Variants in UGT2A1 observed in about 807,000 individuals in gnomAD.
UGT2A1 encodes UDP-glucuronosyltransferase 2A1.
In UGT2A1, 61 loss-of-function variants were observed where a neutral mutation model predicts 45.4. That is an observed-to-expected ratio of 1.34 (90% CI 1.09 to 1.66). The LOEUF (loss-of-function observed/expected upper bound fraction) is 1.66, where lower values mean the gene tolerates loss of function less well. UGT2A1 is among the 40% of genes most tolerant of loss of function. UGT2A1 has a pLI of 0.00. For missense variants in UGT2A1, 649 were observed against 574.3 expected (o/e 1.13, Z -1.33); for synonymous variants, 229 against 196.2 (o/e 1.17, Z -1.40).
intron 2 of UGT2A1, among the ~76,000 whole-genome samples, chr4:69,637,598 T>C (rs1206200674): frequency 6.6e-6 from 1 of 152,164 alleles, no homozygotes; most frequent in African/African-American, 2.4e-5. Context: ...TTTCATTTGA[T>C]ACTTTCTCTG....
intron 3 of UGT2A1, among the ~76,000 whole-genome samples, chr4:69,625,295 T>C (rs1720988455): frequency 6.6e-6 from 1 of 151,096 alleles, no homozygotes; most frequent in Non-Finnish European, 1.5e-5. Context: ...ACTTGGTTAA[T>C]TGAACTTCTT....
intron 3 of UGT2A1, among the ~76,000 whole-genome samples, chr4:69,609,248 G>A (rs1719882517): frequency 6.6e-6 from 1 of 151,210 alleles, no homozygotes; most frequent in East Asian, 1.9e-4. Context: ...GACCTTATGA[G>A]CCCAAGAAAT....
At chr4:69,614,416 T>A (rs2109923544) in intron 3 of UGT2A1, among the ~76,000 whole-genome samples, 1 of 151,342 alleles carries the variant, frequency 6.6e-6, no homozygotes, top group East Asian at 1.9e-4. Flanking sequence ...ACAGATTCAT[T>A]GCAATCCCTA....
chr4:69,635,215 TATATC>T (rs1249217196), intron 3 of UGT2A1, among the ~76,000 whole-genome samples: 3 of 152,076 alleles, frequency 2.0e-5, no homozygotes, highest in Non-Finnish European at 4.4e-5. Flanking sequence ...ATAAATAAAA[TATATC>T]AGCAGGGAAA....
intron 2 of UGT2A1, among the ~76,000 whole-genome samples, chr4:69,645,376 A>T (rs1335313232): frequency 6.6e-6 from 1 of 151,724 alleles, no homozygotes; most frequent in African/African-American, 2.4e-5. Context: ...AAATCCTTTC[A>T]GATGTAAACT....
At chr4:69,608,353 A>C (rs1030168686) in intron 3 of UGT2A1, among the ~76,000 whole-genome samples, 1 of 146,020 alleles carries the variant, frequency 6.8e-6, no homozygotes, top group Non-Finnish European at 1.5e-5. Flanking sequence ...TCTCACTCAT[A>C]GGAGGGAATT....
intron 3 of UGT2A1, among the ~76,000 whole-genome samples, chr4:69,605,392 T>C (rs1719548119): frequency 7.3e-6 from 1 of 136,698 alleles, no homozygotes; most frequent in Admixed American, 7.2e-5. Context: ...AGACACAACA[T>C]ACCAGAATCT....
At chr4:69,620,650 G>A in intron 3 of UGT2A1, among the ~76,000 whole-genome samples, 1 of 131,770 alleles carries the variant, frequency 7.6e-6, no homozygotes, top group Non-Finnish European at 1.7e-5. Context: ...ATATATATAT[G>A]GAACCAAAAA....
chr4:69,594,735 T>C (rs376419908), intron 5 of UGT2A1, 39 bp from the exon 6 acceptor site: 34 of 1,586,424 alleles, frequency 2.1e-5, no homozygotes, highest in Non-Finnish European at 2.8e-5. Context: ...TGTGTAATAA[T>C]AACACATTAG....
chr4:69,642,793 T>C lies in UGT2A1; in HGVS notation c.715+4137A>G, dbSNP rs181343374. ...ATTTTTACATATTATATACCTCTAA[T>C]ATATAGAGATTATTCACAAAAAAAC... On this transcript the variant is annotated intron_variant, in intron 2 of 6. Transcript: ENST00000286604. 6.1e-3 allele frequency among the ~76,000 whole-genome samples: 927 copies of C among 151,676 alleles called. 9 individuals carry two copies. Among genetic ancestry groups the C allele is most frequent in the Non-Finnish European group, 8.1e-3 (549 of 67,686 alleles).
At position 69,603,941 on chromosome 4, in the gene UGT2A1, T is replaced by C. The variant is rs986440371; in HGVS notation, c.848-4547A>G. Among the ~76,000 whole-genome samples the C allele has an allele frequency of 5.1e-5, 7 of 136,708 alleles. 1 individual carries two copies. Among genetic ancestry groups the C allele is most frequent in the East Asian group, 4.1e-4 (2 of 4,826 alleles). 89.7% of individuals were successfully genotyped at this position (136,708 alleles called of 152,430 possible). A position where few individuals can be genotyped will look rare whatever the true frequency, so the allele number is the denominator to read the frequency against. On this transcript the variant is annotated intron_variant, in intron 3 of 6. Transcript: ENST00000286604. ...GTGAAAAGACCAAATCTACGTCTGA[T>C]TGGTGTACCTGAAAGTGATGGGGAG...
chr4:69,651,429 A>T (rs935573710), intron 1 of UGT2A1, among the ~76,000 whole-genome samples: 1 of 152,228 alleles, frequency 6.6e-6, no homozygotes, highest in East Asian at 1.9e-4. Context: ...TAAACTGTGT[A>T]ATATGATTAC....
chr4:69,603,692 C>T lies in UGT2A1; in HGVS notation c.848-4298G>A. The T allele has an allele frequency of 1.5e-5, 2 of 135,944 alleles. 1 individual carries two copies. The highest frequency in any genetic ancestry group is 3.1e-5 in the Non-Finnish European group (2 of 64,166). 8.4% of individuals were successfully genotyped at this position (135,944 alleles called of 1,614,324 possible). ...GAAAAAAAATTAGACGAATGGCTAA[C>T]TAGAATCACCAATGAAGAAAAGCCC... On this transcript the variant is annotated intron_variant, in intron 3 of 6. Transcript: ENST00000286604.
At chr4:69,630,520 A>G (rs1721324559) in intron 3 of UGT2A1, among the ~76,000 whole-genome samples, 2 of 152,064 alleles carry the variant, frequency 1.3e-5, no homozygotes, top group African/African-American at 2.4e-5. Flanking sequence ...ATATTTACAC[A>G]TTGTACTCTA....
In UGT2A1 at chr4:69,647,563, T is replaced by C. The variant is rs141956545; in HGVS notation, c.82A>G (p.Met28Val). Residue 28 changes from methionine to valine, a missense_variant, in exon 2 of 7, where the codon ATG becomes GTG. Transcript: ENST00000286604. ...TLGGNVLIWP[M>V]EGSHWLNVKI... is the part of the protein sequence containing the mutation. ...ACATTTAGCCAATGACTACCTTCCA[T>C]TGGCCAAATCAAAACATTCCCACCA... 3.0e-5 allele frequency: 48 copies of C among 1,612,250 alleles called. No individual in the cohort carries two copies. In the African/African-American group the frequency reaches 5.7e-4, roughly 19 times the overall value.
At chr4:69,652,404 C>T (rs1473556569) in intron 1 of UGT2A1, among the ~76,000 whole-genome samples, 5 of 150,778 alleles carry the variant, frequency 3.3e-5, no homozygotes, top group Non-Finnish European at 5.9e-5. Context: ...CTGCCTCAGC[C>T]TCCCGAGTAG....
At chr4:69,592,390 T>C (rs145121158) in intron 6 of UGT2A1, among the ~76,000 whole-genome samples, 52 of 150,064 alleles carry the variant, frequency 3.5e-4, no homozygotes, top group African/African-American at 1.3e-3. Flanking sequence ...TATTGAAAAA[T>C]AAATGAGAAA....
chr4:69,589,880 G>A (rs959265091), intron 6 of UGT2A1, among the ~76,000 whole-genome samples: 2 of 152,144 alleles, frequency 1.3e-5, no homozygotes, highest in Non-Finnish European at 2.9e-5. Flanking sequence ...ACATAAAAAA[G>A]TAGAGTAAGC....
chr4:69,651,027 G>A (rs1166945459), intron 1 of UGT2A1, among the ~76,000 whole-genome samples: 3 of 152,034 alleles, frequency 2.0e-5, no homozygotes, highest in Non-Finnish European at 4.4e-5. Context: ...AATTTTTGTG[G>A]AGTACATAAT....
Sources: gnomAD v4.1 joint callset for allele counts (sites outside exome capture counted in the v4.1 genomes callset) on GRCh38, gnomAD v4.1.1 for gene constraint, MANE v1.5 for transcripts, NCBI Gene and HGNC (gene_info 2026-07-23, HGNC 2026-07-21) for gene names.